PKD1L1: variants seen among roughly 807,000 people sequenced by gnomAD.
The protein encoded by PKD1L1 is polycystin 1 like 1, transient receptor potential channel interacting, also known as polycystin-1-like protein 1.
A neutral mutation model predicts 323.4 loss-of-function variants in PKD1L1; 236 were observed. The ratio of observed to expected loss-of-function variants is 0.73; its 90% confidence interval spans 0.66 to 0.81. The LOEUF (loss-of-function observed/expected upper bound fraction) is 0.81, where lower values mean the gene tolerates loss of function less well. Ranked by LOEUF, PKD1L1 falls within the 40% of genes least tolerant of loss-of-function variation. The probability of loss-of-function intolerance (pLI) is 0.00; values close to 1 mark genes in which losing one functional copy is unlikely to be tolerated. For missense variants in PKD1L1, 3,320 were observed against 3,508.0 expected, an observed-to-expected ratio of 0.95 and a Z score of 1.35; for synonymous variants, 1,344 against 1,335.0, an observed-to-expected ratio of 1.01 and a Z score of -0.15.
At chr7:47,842,158 C>T (rs951396608) in intron 34 of PKD1L1, among the ~76,000 whole-genome samples, 1 of 152,182 alleles carries the variant, frequency 6.6e-6, no homozygotes, top group African/African-American at 2.4e-5. Flanking sequence ...TATGTGTATG[C>T]ATTGCTTGTG....
intron 45 of PKD1L1, among the ~76,000 whole-genome samples, chr7:47,826,107 C>T (rs1785235929): frequency 6.6e-6 from 1 of 152,090 alleles, no homozygotes; most frequent in Non-Finnish European, 1.5e-5. Context: ...CAAGATGCGC[C>T]CACCACACTC....
Position 47,812,045 on chromosome 7 carries a change from T to C in PKD1L1, c.7353A>G (p.Glu2451=). The C allele has an allele frequency of 6.4e-7, 1 of 1,558,912 alleles. No homozygotes were observed. The highest frequency in any genetic ancestry group is 8.7e-7 in the Non-Finnish European group (1 of 1,151,262). ...CVLSLGRTRT[E]AHTALSRLRA... is the part of the protein sequence containing the mutation. Reference sequence around the variant, plus strand: ...TGAGTCGGGACAGGGCTGTGTGGGCTTCAGTCCTGTAAAACAGCACACACT... The same window carrying C: ...TGAGTCGGGACAGGGCTGTGTGGGCCTCAGTCCTGTAAAACAGCACACACT... The change falls in exon 50 of 57, where the codon GAA becomes GAG. Residue 2451 remains glutamate, a synonymous_variant. Transcript: ENST00000289672.
At chr7:47,842,904 T>A in intron 34 of PKD1L1, 58 bp downstream of exon 34, 1 of 1,490,622 alleles carries the variant, frequency 6.7e-7, no homozygotes, top group Admixed American at 2.0e-5. Flanking sequence ...AAATCCTCAC[T>A]TCTGATGTTG....
At chr7:47,808,695 A>G (rs926762444) in intron 51 of PKD1L1, among the ~76,000 whole-genome samples, 1 of 152,194 alleles carries the variant, frequency 6.6e-6, no homozygotes, top group African/African-American at 2.4e-5. Context: ...TGGTGTATCT[A>G]ACTATATCTA....
chr7:47,874,108 T>G, intron 23 of PKD1L1, 98 bp from the exon 24 acceptor site: 2 of 722,880 alleles, frequency 2.8e-6, no homozygotes, highest in East Asian at 5.5e-5. Context: ...ACTAAAACTG[T>G]GACAAGTGCT....
intron 52 of PKD1L1, 110 bp downstream of exon 52, chr7:47,808,137 A>G: frequency 7.3e-7 from 1 of 1,364,734 alleles, no homozygotes; most frequent in South Asian, 1.4e-5. Context: ...ATCTCTCGAT[A>G]TCAAACAAAT....
At position 47,775,071 on chromosome 7, in the gene PKD1L1, T is replaced by C. The variant is rs1019655177; in HGVS notation, c.*72A>G. 1 of 1,523,192 alleles carries C rather than the reference T, an allele frequency of 6.6e-7. No homozygotes were observed. The highest frequency in any genetic ancestry group is 1.4e-5 in the African/African-American group (1 of 72,254). 94.4% of individuals were successfully genotyped at this position (1,523,192 alleles called of 1,614,324 possible). ...TCTTCTCACCTGCAAAACTAGGATG[T>C]CTGCTAAAATTGGCTGTTGGGTGGG... On this transcript the variant is annotated 3_prime_UTR_variant, in exon 57 of 57. Coordinates refer to ENST00000289672, the MANE Select transcript of PKD1L1 (RefSeq NM_138295.5).
At chr7:47,828,288 A>T (rs1354160411) in intron 44 of PKD1L1, among the ~76,000 whole-genome samples, 1 of 152,090 alleles carries the variant, frequency 6.6e-6, no homozygotes, top group Non-Finnish European at 1.5e-5. Context: ...CATCAGAAGG[A>T]GCCTCACCTC....
At chr7:47,898,328 G>A (rs1415888146) in intron 13 of PKD1L1, 134 bp from the exon 14 acceptor site, 2 of 715,086 alleles carry the variant, frequency 2.8e-6, no homozygotes, top group African/African-American at 3.6e-5. Context: ...GTATTCTTAG[G>A]TCTGGGCTTT....
intron 45 of PKD1L1, among the ~76,000 whole-genome samples, chr7:47,824,478 A>G (rs2128733396): frequency 6.6e-6 from 1 of 152,338 alleles, no homozygotes; most frequent in South Asian, 2.1e-4. Context: ...TGATTGGTGA[A>G]AACAGCTTTA....
At chr7:47,783,957 T>G (rs549960710) in intron 56 of PKD1L1, among the ~76,000 whole-genome samples, 1 of 152,328 alleles carries the variant, frequency 6.6e-6, no homozygotes, top group Admixed American at 6.5e-5. Flanking sequence ...GAATTCAACT[T>G]TCTTGAACCC....
chr7:47,908,254 GA>G lies in PKD1L1; in HGVS notation c.1229-5del, dbSNP rs1787250164. Reference sequence around the variant, plus strand: ...GCCTTGAGCATATAGACTCCTTCTGGAAAAATAAGAATGAACGGACACTTGA... The same window carrying G: ...GCCTTGAGCATATAGACTCCTTCTGGAAAATAAGAATGAACGGACACTTGA... On this transcript the variant is annotated splice_region_variant and splice_polypyrimidine_tract_variant and intron_variant, in intron 8 of 56. Coordinates refer to ENST00000289672, the MANE Select transcript of PKD1L1 (RefSeq NM_138295.5). The G allele has an allele frequency of 1.2e-6, 2 of 1,608,192 alleles. No homozygotes were observed. Among genetic ancestry groups the G allele is most frequent in the South Asian group, 1.1e-5 (1 of 90,090 alleles).
At chr7:47,824,105 T>C (rs1333719035) in intron 45 of PKD1L1, among the ~76,000 whole-genome samples, 1 of 152,238 alleles carries the variant, frequency 6.6e-6, no homozygotes, top group Non-Finnish European at 1.5e-5. Flanking sequence ...TTGTACATTT[T>C]CCATCACCAA....
chr7:47,857,922 TA>T, intron 27 of PKD1L1, 90 bp from the exon 28 acceptor site: 1 of 1,255,076 alleles, frequency 8.0e-7, no homozygotes, highest in Non-Finnish European at 1.1e-6. Context: ...GAAAAGTAGT[TA>T]AAAAGCCCAT....
chr7:47,942,710 A>T (rs1277183337), intron 2 of PKD1L1, among the ~76,000 whole-genome samples: 3 of 152,138 alleles, frequency 2.0e-5, no homozygotes, highest in Non-Finnish European at 4.4e-5. Context: ...CACCTCCTGT[A>T]ACCTAAGTAT....
intron 12 of PKD1L1, among the ~76,000 whole-genome samples, chr7:47,903,292 A>G (rs1243775677): frequency 6.6e-6 from 1 of 152,146 alleles, no homozygotes; most frequent in Non-Finnish European, 1.5e-5. Flanking sequence ...TACTGATAAG[A>G]ATGAAGACTA....
In PKD1L1 at chr7:47,931,959, T is replaced by C. The variant is rs1186280761; in HGVS notation, c.496A>G (p.Ser166Gly). Residue 166 changes from serine to glycine, a missense_variant, in exon 5 of 57, where the codon AGC becomes GGC. Coordinates refer to ENST00000289672, the MANE Select transcript of PKD1L1 (RefSeq NM_138295.5). The stretch of plus-strand genomic sequence containing the variant: ...ACCTGGAGAAGAGCAGAGAATGTGC[T>C]GTCTGCGGTCCCAGTAGCACACAGC... ...RRLCATGTAD[S>G]TFSALLQLQG... The C allele has an allele frequency of 6.2e-7, 1 of 1,613,714 alleles. No homozygotes were observed. The highest frequency in any genetic ancestry group is 1.1e-5 in the South Asian group (1 of 91,034).
In PKD1L1 at chr7:47,887,929, T is replaced by C. The variant is rs1786719068; in HGVS notation, c.2836+61A>G. ...AATGTATTTTGCAACATTTTAGCAATCTCACAATAACCCTGAGTTTTTCCC... is the reference window on the plus strand; with the variant it reads ...AATGTATTTTGCAACATTTTAGCAACCTCACAATAACCCTGAGTTTTTCCC... On this transcript the variant is annotated intron_variant, in intron 17 of 56. Transcript: ENST00000289672. The C allele has an allele frequency of 1.6e-5, 24 of 1,510,670 alleles. No homozygotes were observed. The South Asian group carries it at 2.8e-4, about 18-fold the overall frequency. The allele number at this position is 1,510,670 out of a possible 1,614,324, so 93.6% of individuals were successfully genotyped here. A position where few individuals can be genotyped will look rare whatever the true frequency, so the allele number is the denominator to read the frequency against.
intron 6 of PKD1L1, among the ~76,000 whole-genome samples, chr7:47,930,070 C>A (rs1363119811): frequency 6.6e-6 from 1 of 152,142 alleles, no homozygotes; most frequent in Non-Finnish European, 1.5e-5. Context: ...CTTTCAAGAT[C>A]ATTTATGTGT....
Sources: allele counts gnomAD v4.1 joint callset (sites outside exome capture counted in the v4.1 genomes callset), GRCh38; gene constraint gnomAD v4.1.1; transcripts MANE v1.5; gene names NCBI Gene and HGNC (gene_info 2026-07-23, HGNC 2026-07-21).